NAALADL2: variants seen among roughly 807,000 people sequenced by gnomAD.
The protein encoded by NAALADL2 is inactive N-acetylated-alpha-linked acidic dipeptidase-like protein 2.
Under a neutral mutation model 87.2 loss-of-function variants are expected in NAALADL2, and 76 were observed. The ratio of observed to expected loss-of-function variants is 0.87; its 90% CI spans 0.72 to 1.05. NAALADL2 has a LOEUF of 1.05. NAALADL2 is among the 50% of genes least tolerant of loss of function. The pLI, the probability that NAALADL2 is intolerant of heterozygous loss-of-function variation, is 0.00. For synonymous variants in NAALADL2, 354 were observed against 331.0 expected (o/e 1.07, Z -0.75); for missense variants, 1,089 against 945.8 (o/e 1.15, Z -1.99).
At chr3:174,882,141 A>G (rs1729268691) in intron 1 of NAALADL2, among the ~76,000 whole-genome samples, 1 of 152,076 alleles carries the variant, frequency 6.6e-6, no homozygotes, top group South Asian at 2.1e-4. Flanking sequence ...TAAGTAAGAT[A>G]TTTGAATTTT....
intron 1 of NAALADL2, among the ~76,000 whole-genome samples, chr3:174,914,977 C>G (rs1307279355): frequency 1.3e-5 from 2 of 152,080 alleles, no homozygotes; most frequent in Non-Finnish European, 2.9e-5. Flanking sequence ...TTTTATTTTA[C>G]TTGATAGACT....
chr3:175,484,678 T>G (rs1726995276), intron 9 of NAALADL2, among the ~76,000 whole-genome samples: 2 of 152,286 alleles, frequency 1.3e-5, no homozygotes, highest in South Asian at 2.1e-4. Flanking sequence ...TTAGTGTTGA[T>G]TAGACTTGAG....
intron 1 of NAALADL2, among the ~76,000 whole-genome samples, chr3:174,960,678 G>T (rs1324341961): frequency 6.6e-6 from 1 of 151,964 alleles, no homozygotes; most frequent in Non-Finnish European, 1.5e-5. Context: ...ATCTTTGATG[G>T]TATTGAGAAA....
At chr3:174,986,754 GTAGTAAATTACT>G (rs973272432) in intron 1 of NAALADL2, among the ~76,000 whole-genome samples, 3 of 152,108 alleles carry the variant, frequency 2.0e-5, no homozygotes, top group African/African-American at 7.2e-5. Flanking sequence ...TGAATATTGG[GTAGTAAATTACT>G]TACTAATTAA....
chr3:174,805,461 T>G (rs1027940937), intron 3 of NAALADL2, among the ~76,000 whole-genome samples: 2 of 152,206 alleles, frequency 1.3e-5, no homozygotes, highest in Admixed American at 1.3e-4. Flanking sequence ...CTGGGACAGC[T>G]TGGCATAAAA....
intron 1 of NAALADL2, among the ~76,000 whole-genome samples, chr3:175,070,953 G>A (rs955137799): frequency 1.3e-5 from 2 of 151,938 alleles, no homozygotes; most frequent in Non-Finnish European, 2.9e-5. Context: ...TAAGACATAC[G>A]ATCTCAGTGT....
chr3:175,674,880 G>A (rs114114549), intron 11 of NAALADL2, among the ~76,000 whole-genome samples: 2,959 of 152,026 alleles, frequency 0.019, 49 homozygotes, highest in African/African-American at 0.045. Flanking sequence ...TTTCGAGTAC[G>A]AAAAAACCCA....
chr3:175,313,099 T>C (rs919618174), intron 4 of NAALADL2, among the ~76,000 whole-genome samples: 10 of 152,216 alleles, frequency 6.6e-5, no homozygotes, highest in Non-Finnish European at 1.0e-4. Context: ...TGTCCTCATA[T>C]GGCCTTTTTA....
At chr3:175,593,726 G>A (rs1352369046) in intron 10 of NAALADL2, among the ~76,000 whole-genome samples, 2 of 151,680 alleles carry the variant, frequency 1.3e-5, no homozygotes, top group Non-Finnish European at 2.9e-5. Flanking sequence ...GTCTGCTTTT[G>A]TGTCCAAATT....
chr3:175,590,673 AG>A (rs1721305732), intron 10 of NAALADL2, among the ~76,000 whole-genome samples: 1 of 152,154 alleles, frequency 6.6e-6, no homozygotes, highest in Non-Finnish European at 1.5e-5. Flanking sequence ...CCAGGTTGAC[AG>A]GTATCAGGGA....
At chr3:174,489,725 C>T (rs1718066159) in intron 1 of NAALADL2, among the ~76,000 whole-genome samples, 1 of 152,010 alleles carries the variant, frequency 6.6e-6, no homozygotes, top group South Asian at 2.1e-4. Context: ...TGAAAAGGTG[C>T]TTAACATCAT....
At chr3:175,512,673 A>C (rs989378711) in intron 9 of NAALADL2, among the ~76,000 whole-genome samples, 6 of 152,204 alleles carry the variant, frequency 3.9e-5, no homozygotes, top group African/African-American at 1.4e-4. Context: ...AATGTTCTTG[A>C]GTAGGAGCCG....
intron 3 of NAALADL2, among the ~76,000 whole-genome samples, chr3:174,827,847 A>G (rs1722173944): frequency 1.3e-5 from 2 of 152,118 alleles, no homozygotes; most frequent in South Asian, 4.1e-4. Context: ...AGCTTTTCAT[A>G]TGGTCCCTTT....
chr3:175,469,963 G>A (rs888139065), intron 8 of NAALADL2, among the ~76,000 whole-genome samples: 1 of 152,036 alleles, frequency 6.6e-6, no homozygotes, highest in African/African-American at 2.4e-5. Context: ...CGCTTAAAAT[G>A]TTTACTAATT....
At chr3:175,226,203 G>A (rs1317260651) in intron 2 of NAALADL2, among the ~76,000 whole-genome samples, 1 of 152,014 alleles carries the variant, frequency 6.6e-6, no homozygotes, top group Non-Finnish European at 1.5e-5. Context: ...ACGTTCTCTG[G>A]CAGATAATCC....
chr3:174,721,103 A>AAAAAG (rs145191337), intron 2 of NAALADL2, among the ~76,000 whole-genome samples: 1 of 151,512 alleles, frequency 6.6e-6, no homozygotes, highest in Non-Finnish European at 1.5e-5. Flanking sequence ...TTAATAATAA[A>AAAAAG]ATGAGTACCC....
chr3:175,554,066 A>T (rs1476908866), intron 9 of NAALADL2, among the ~76,000 whole-genome samples: 1 of 152,164 alleles, frequency 6.6e-6, no homozygotes, highest in Non-Finnish European at 1.5e-5. Context: ...GTCTTCTGGG[A>T]GGGGTCTTGT....
chr3:174,761,100 T>C (rs1397724736), intron 3 of NAALADL2, among the ~76,000 whole-genome samples: 2 of 152,196 alleles, frequency 1.3e-5, no homozygotes, highest in Non-Finnish European at 2.9e-5. Flanking sequence ...TTCCCTAGTC[T>C]CACATGTCAT....
At chr3:175,375,436 A>G (rs1345595590) in intron 5 of NAALADL2, among the ~76,000 whole-genome samples, 1 of 152,026 alleles carries the variant, frequency 6.6e-6, no homozygotes. Context: ...AAATCTCCTA[A>G]TTTATTTAGG....
Sources: allele counts gnomAD v4.1 joint callset (sites outside exome capture counted in the v4.1 genomes callset), GRCh38; gene constraint gnomAD v4.1.1; transcripts MANE v1.5; gene names NCBI Gene and HGNC (gene_info 2026-07-23, HGNC 2026-07-21).